Variants in CDKAL1 observed in about 807,000 individuals in gnomAD.
The protein encoded by CDKAL1 is threonylcarbamoyladenosine tRNA methylthiotransferase.
A neutral mutation model predicts 68.2 loss-of-function variants in CDKAL1; 32 were observed. The ratio of observed to expected loss-of-function variants is 0.47; its 90% CI spans 0.35 to 0.63. The LOEUF (loss-of-function observed/expected upper bound fraction) is 0.63, where lower values mean the gene tolerates loss of function less well. CDKAL1 is among the 30% of genes least tolerant of loss of function. CDKAL1 has a pLI of 0.00. For synonymous variants in CDKAL1, 234 were observed against 244.3 expected (o/e 0.96, Z 0.39); for missense variants, 606 against 696.7 (o/e 0.87, Z 1.47).
chr6:20,636,903 G>T (rs898775566), intron 4 of CDKAL1, among the ~76,000 whole-genome samples: 5 of 151,950 alleles, frequency 3.3e-5, no homozygotes, highest in African/African-American at 1.2e-4. Flanking sequence ...CAGGTATGGT[G>T]GTGTATGCCT....
At chr6:20,821,837 A>G (rs1777291497) in intron 8 of CDKAL1, among the ~76,000 whole-genome samples, 1 of 152,206 alleles carries the variant, frequency 6.6e-6, no homozygotes, top group African/African-American at 2.4e-5. Context: ...ATAAAATACA[A>G]CCTCAATAAA....
At position 21,000,323 on chromosome 6, in the gene CDKAL1, G is replaced by C; in HGVS notation, c.1006G>C (p.Glu336Gln). The C allele has an allele frequency of 6.2e-7, 1 of 1,613,914 alleles. No homozygotes were observed. Among genetic ancestry groups the C allele is most frequent in the Non-Finnish European group, 8.5e-7 (1 of 1,179,796 alleles). ...SDSVLMEMKR[E>Q]YCVADFKRVV... ...CAGCGTACTCATGGAAATGAAAAGA[G>C]AATACTGTGTGGCTGACTTCAAAAG... Residue 336 changes from glutamate to glutamine, a missense_variant, in exon 11 of 16, where the codon GAA (glutamate) becomes CAA (glutamine). By Grantham distance (29) the Glu-to-Gln change is conservative. Transcript: ENST00000274695.
intron 9 of CDKAL1, among the ~76,000 whole-genome samples, chr6:20,932,023 T>G (rs1763485675): frequency 6.6e-6 from 1 of 152,216 alleles, no homozygotes; most frequent in Non-Finnish European, 1.5e-5. Flanking sequence ...TGCTTATCTC[T>G]CCCAGTTCTT....
intron 4 of CDKAL1, among the ~76,000 whole-genome samples, chr6:20,551,370 C>CTT (rs34611621): frequency 3.0e-4 from 42 of 141,492 alleles, no homozygotes; most frequent in Admixed American, 3.5e-4. Flanking sequence ...ACTAAAATAT[C>CTT]TTTTTTTTTT....
In CDKAL1 at chr6:21,000,265, T is replaced by C; in HGVS notation, c.948T>C (p.Ala316=). ...TCCTTAATCACCCCAGAGTCTACGC[T>C]TTTCTGCACATACCAGTCCAGTCTG... ...AKILNHPRVY[A]FLHIPVQSAS... is the part of the protein sequence containing the mutation. The change falls in exon 11 of 16, where the codon GCT becomes GCC. Residue 316 remains alanine (A), a synonymous_variant. Coordinates refer to ENST00000274695, the MANE Select transcript of CDKAL1 (RefSeq NM_017774.3). 1.2e-6 allele frequency: 2 copies of C among 1,613,994 alleles called. No homozygotes were observed. Among genetic ancestry groups the C allele is most frequent in the Admixed American group, 3.3e-5 (2 of 60,024 alleles).
At chr6:21,047,893 A>G (rs201336) in intron 11 of CDKAL1, among the ~76,000 whole-genome samples, 28,924 of 152,122 alleles carry the variant, frequency 0.19, 2,863 homozygotes, top group Middle Eastern at 0.24. Flanking sequence ...TCTGATTTCA[A>G]TGAGTAGTTT....
At chr6:20,860,933 ATTTT>A (rs70990075) in intron 9 of CDKAL1, among the ~76,000 whole-genome samples, 3 of 134,192 alleles carry the variant, frequency 2.2e-5, no homozygotes, top group Non-Finnish European at 1.6e-5. Flanking sequence ...AGTGTGGTCT[ATTTT>A]TTTTTTTTTT....
intron 13 of CDKAL1, among the ~76,000 whole-genome samples, chr6:21,152,533 G>A (rs886780361): frequency 5.3e-5 from 8 of 152,176 alleles, no homozygotes; most frequent in African/African-American, 1.9e-4. Context: ...GCGAACATTC[G>A]TCCAGTCAAA....
At chr6:21,131,649 A>T (rs1328583208) in intron 13 of CDKAL1, among the ~76,000 whole-genome samples, 3 of 152,214 alleles carry the variant, frequency 2.0e-5, no homozygotes, top group African/African-American at 7.2e-5. Context: ...GTCATTTAAC[A>T]TTCCTAACAC....
At chr6:21,012,580 A>C (rs932227366) in intron 11 of CDKAL1, among the ~76,000 whole-genome samples, 1 of 152,228 alleles carries the variant, frequency 6.6e-6, no homozygotes, top group Non-Finnish European at 1.5e-5. Flanking sequence ...CATTTGAAAA[A>C]TGGGAGAATA....
At chr6:20,609,020 G>C (rs567263877) in intron 4 of CDKAL1, among the ~76,000 whole-genome samples, 18 of 152,262 alleles carry the variant, frequency 1.2e-4, no homozygotes, top group African/African-American at 4.3e-4. Context: ...GAAGTTATTA[G>C]ACATTTATCA....
At chr6:21,079,923 CT>C (rs1339247942) in intron 12 of CDKAL1, among the ~76,000 whole-genome samples, 1 of 147,648 alleles carries the variant, frequency 6.8e-6, no homozygotes, top group African/African-American at 2.5e-5. Context: ...CTTTATCTTT[CT>C]TTTTGTTTTT....
chr6:20,900,345 A>G (rs770170587), intron 9 of CDKAL1, among the ~76,000 whole-genome samples: 1 of 152,232 alleles, frequency 6.6e-6, no homozygotes, highest in African/African-American at 2.4e-5. Flanking sequence ...CATTTAAAAG[A>G]TAGTCTTCCA....
chr6:20,845,940 G>A, intron 8 of CDKAL1, 135 bp from the exon 9 acceptor site: 1 of 519,306 alleles, frequency 1.9e-6, no homozygotes, highest in Non-Finnish European at 3.3e-6. Context: ...GTAGATACTT[G>A]GTTTTTGAAT....
At chr6:20,984,335 C>T (rs80334173) in intron 10 of CDKAL1, among the ~76,000 whole-genome samples, 9 of 152,106 alleles carry the variant, frequency 5.9e-5, no homozygotes, top group South Asian at 4.2e-4. Flanking sequence ...TGCAGGTGAG[C>T]GGGTGCAGGA....
At chr6:20,873,769 T>C (rs1561847870) in intron 9 of CDKAL1, among the ~76,000 whole-genome samples, 1 of 152,250 alleles carries the variant, frequency 6.6e-6, no homozygotes, top group African/African-American at 2.4e-5. Flanking sequence ...TTACAATTTT[T>C]GTAACCTTGC....
chr6:20,928,917 C>T (rs1280546767), intron 9 of CDKAL1, among the ~76,000 whole-genome samples: 2 of 152,106 alleles, frequency 1.3e-5, no homozygotes, highest in African/African-American at 4.8e-5. Context: ...ATCTATTCAA[C>T]TCAAAATACT....
At chr6:20,916,746 A>G (rs1252894541) in intron 9 of CDKAL1, among the ~76,000 whole-genome samples, 1 of 152,176 alleles carries the variant, frequency 6.6e-6, no homozygotes, top group East Asian at 1.9e-4. Flanking sequence ...AATGAATCCA[A>G]AAAGGCTATC....
intron 5 of CDKAL1, among the ~76,000 whole-genome samples, chr6:20,671,820 C>T: frequency 6.6e-6 from 1 of 152,036 alleles, no homozygotes; most frequent in East Asian, 1.9e-4. Context: ...CTTACTACAG[C>T]CTTGAGATCA....
Sources: allele counts gnomAD v4.1 joint callset (sites outside exome capture counted in the v4.1 genomes callset), GRCh38; gene constraint gnomAD v4.1.1; transcripts MANE v1.5; gene names NCBI Gene and HGNC (gene_info 2026-07-23, HGNC 2026-07-21).